HEXB: variants seen among roughly 807,000 people sequenced by gnomAD.
HEXB encodes the protein beta-hexosaminidase subunit beta.
Under a neutral mutation model 71.2 loss-of-function variants are expected in HEXB, and 51 were observed. The observed-to-expected ratio is 0.72, with a 90% CI of 0.57 to 0.90. The LOEUF is 0.90. Among genes scored for constraint, HEXB ranks in the 40% least tolerant of loss-of-function variants. The pLI, the probability that HEXB is intolerant of heterozygous loss-of-function variation, is 0.00. For synonymous variants in HEXB, 266 were observed against 249.3 expected (o/e 1.07, Z -0.63); for missense variants, 617 against 677.0 (o/e 0.91, Z 0.98).
At chr5:74,676,000 G>C (rs1419137800) in intron 1 of HEXB, among the ~76,000 whole-genome samples, 1 of 152,178 alleles carries the variant, frequency 6.6e-6, no homozygotes, top group African/African-American at 2.4e-5. Flanking sequence ...TTGGTGACAA[G>C]CATAAAATAA....
At position 74,677,487 on chromosome 5, in the gene HEXB, CTTCTTTTTT is replaced by C. The variant is rs368480081; in HGVS notation, c.-376-11838_-376-11830del. Among the ~76,000 whole-genome samples, 242 of 129,970 alleles carry C rather than the reference CTTCTTTTTT, an allele frequency of 1.9e-3. 2 individuals carry two copies. The highest frequency in any genetic ancestry group is 6.1e-3 in the African/African-American group (210 of 34,662). 85.3% of individuals were successfully genotyped at this position (129,970 alleles called of 152,430 possible). Reference sequence around the variant, plus strand: ...AACAGTTTGCATTTCTTTTCTTCTTCTTCTTTTTTTTTTTTTTTTTTTTTTTGGTACTAC... The same window carrying C: ...AACAGTTTGCATTTCTTTTCTTCTTCTTTTTTTTTTTTTTTTTGGTACTAC... On this transcript the variant is annotated intron_variant, in intron 1 of 13. Coordinates refer to the HEXB transcript ENST00000511181.
rs1210690022 is a variant in HEXB at position 74,641,641 on chromosome 5, A to AGC, written c.-377+1084_-377+1085dup. On this transcript the variant is annotated intron_variant, in intron 1 of 13. Transcript: ENST00000511181. The surrounding 1 kb of genome is among the most constrained non-coding windows in gnomAD (Gnocchi z 4.1). ...TTGGAGTTCAGTAAAGAAATGGCCC[A>AGC]GCACACACACACGTTTAATAGTCCC... 2.6e-5 allele frequency among the ~76,000 whole-genome samples: 4 copies of AGC among 152,352 alleles called. No individual in the cohort carries two copies. Among genetic ancestry groups the AGC allele is most frequent in the African/African-American group, 9.6e-5 (4 of 41,578 alleles).
In HEXB at chr5:74,685,244, A is replaced by C; in HGVS notation, c.-17A>C. On this transcript the variant is annotated 5_prime_UTR_variant, in exon 1 of 14. Transcript: ENST00000261416. ...GGCTCCGGCTCGGCAGACCGGGCGGAAAGCAGCCGAGCGGCCATGGAGCTG... is the reference window on the plus strand; with the variant it reads ...GGCTCCGGCTCGGCAGACCGGGCGGCAAGCAGCCGAGCGGCCATGGAGCTG... The C allele has an allele frequency of 6.7e-7, 1 of 1,494,268 alleles. No individual in the cohort carries two copies. Among genetic ancestry groups the C allele is most frequent in the Non-Finnish European group, 8.9e-7 (1 of 1,129,198 alleles). 92.6% of individuals were successfully genotyped at this position (1,494,268 alleles called of 1,614,324 possible).
intron 1 of HEXB, among the ~76,000 whole-genome samples, chr5:74,648,358 T>A (rs1748038994): frequency 6.6e-6 from 1 of 152,212 alleles, no homozygotes; most frequent in Admixed American, 6.5e-5. Context: ...GTTGACTTTT[T>A]AAATTCTTAA....
chr5:74,714,926 G>C (rs1388827738), intron 7 of HEXB, among the ~76,000 whole-genome samples: 1 of 152,088 alleles, frequency 6.6e-6, no homozygotes, highest in Non-Finnish European at 1.5e-5. Context: ...ACCACACTTT[G>C]GGAAAACCTT....
chr5:74,650,225 C>A (rs1332751459), intron 1 of HEXB, among the ~76,000 whole-genome samples: 1 of 152,224 alleles, frequency 6.6e-6, no homozygotes, highest in Non-Finnish European at 1.5e-5. Flanking sequence ...GTGCCTTTCA[C>A]TTCTTGAAGA....
chr5:74,673,736 A>G (rs1325991395), intron 1 of HEXB, among the ~76,000 whole-genome samples: 1 of 152,114 alleles, frequency 6.6e-6, no homozygotes, highest in African/African-American at 2.4e-5. Flanking sequence ...TGTAGACTGG[A>G]GCTGAAATGG....
intron 1 of HEXB, among the ~76,000 whole-genome samples, chr5:74,649,137 A>G (rs1332545596): frequency 1.3e-5 from 2 of 152,212 alleles, no homozygotes; most frequent in Non-Finnish European, 2.9e-5. Flanking sequence ...TCTGCATTCA[A>G]ATGAGCAATG....
At chr5:74,696,934 C>T (rs375560011) in intron 4 of HEXB, 62 bp from the exon 5 acceptor site, 3 of 895,108 alleles carry the variant, frequency 3.4e-6, no homozygotes, top group South Asian at 1.3e-5. Flanking sequence ...TAGATTTAGT[C>T]TTCATTGAGT....
At chr5:74,682,174 C>T (rs1369859970), upstream of HEXB, among the ~76,000 whole-genome samples, 2 of 152,118 alleles carry the variant, frequency 1.3e-5, no homozygotes, top group Non-Finnish European at 2.9e-5. Context: ...CTGGCTAACA[C>T]GGTGAAACCC....
chr5:74,664,430 T>TAAAAAAAAAAAAAAAAAAAAAA (rs397998152), intron 1 of HEXB, among the ~76,000 whole-genome samples: 1 of 79,666 alleles, frequency 1.3e-5, no homozygotes, highest in African/African-American at 4.7e-5. Flanking sequence ...ATTCTATCTC[T>TAAAAAAAAAAAAAAAAAAAAAA]AAAAAAAAAA....
chr5:74,692,334 C>CAAAA (rs916578254), intron 2 of HEXB, among the ~76,000 whole-genome samples: 3 of 52,394 alleles, frequency 5.7e-5, no homozygotes, highest in South Asian at 7.0e-4. Context: ...CCTGTCTCTA[C>CAAAA]AAAAAAAAAA....
chr5:74,642,840 G>A (rs184315857), intron 1 of HEXB, among the ~76,000 whole-genome samples: 4 of 152,072 alleles, frequency 2.6e-5, no homozygotes, highest in Non-Finnish European at 2.9e-5. Flanking sequence ...AAAGAAATCC[G>A]CTGGCCATTG....
intron 1 of HEXB, among the ~76,000 whole-genome samples, chr5:74,678,998 G>A (rs1412639411): frequency 6.6e-6 from 1 of 152,232 alleles, no homozygotes; most frequent in African/African-American, 2.4e-5. Context: ...GAATGAGGTT[G>A]TAGAGAAATG....
chr5:74,685,956 C>T (rs1194070779), intron 1 of HEXB, among the ~76,000 whole-genome samples: 1 of 151,964 alleles, frequency 6.6e-6, no homozygotes, highest in Non-Finnish European at 1.5e-5. Flanking sequence ...ACCAGGAATC[C>T]CCCAAAGCTG....
intron 1 of HEXB, among the ~76,000 whole-genome samples, chr5:74,687,355 C>A (rs1048010960): frequency 1.3e-5 from 2 of 152,142 alleles, no homozygotes; most frequent in East Asian, 3.9e-4. Flanking sequence ...ATCACATAGC[C>A]CCTGTCTCTG....
chr5:74,716,556 C>G (rs1206402101), intron 8 of HEXB, 31 bp from the exon 9 acceptor site: 1 of 1,375,190 alleles, frequency 7.3e-7, no homozygotes, highest in Non-Finnish European at 1.0e-6. Context: ...TATCAAACTT[C>G]TAATGAAATT....
intron 1 of HEXB, among the ~76,000 whole-genome samples, chr5:74,673,159 G>A (rs1748569005): frequency 6.6e-6 from 1 of 152,340 alleles, no homozygotes; most frequent in Admixed American, 6.5e-5. Flanking sequence ...ATAAGGAAGA[G>A]AAAGTTGTTT....
At chr5:74,707,839 G>A (rs1029009857) in intron 6 of HEXB, among the ~76,000 whole-genome samples, 9 of 146,162 alleles carry the variant, frequency 6.2e-5, no homozygotes, top group Non-Finnish European at 7.6e-5. Context: ...TGAAAGTGAC[G>A]GGGAGAATGG....
Sources: gnomAD v4.1 joint callset for allele counts (sites outside exome capture counted in the v4.1 genomes callset) on GRCh38, gnomAD v4.1.1 for gene constraint, Gnocchi (gnomAD v3.1) non-coding constraint, MANE v1.5 for transcripts, NCBI Gene and HGNC (gene_info 2026-07-23, HGNC 2026-07-21) for gene names.